The following NTRK2 variants were observed in gnomAD, a reference collection of about 807,000 sequenced individuals.
The protein encoded by NTRK2 is BDNF/NT-3 growth factors receptor.
Under a neutral mutation model 94.5 loss-of-function variants are expected in NTRK2, and 13 were observed. That is an observed-to-expected ratio of 0.14 (90% CI 0.09 to 0.22). The LOEUF is 0.22. Ranked by LOEUF, NTRK2 falls within the 10% of genes least tolerant of loss-of-function variation. The probability of loss-of-function intolerance (pLI) is 1.00; values close to 1 mark genes in which losing one functional copy is unlikely to be tolerated. For synonymous variants in NTRK2, 372 were observed against 407.4 expected, an observed-to-expected ratio of 0.91 and a Z score of 1.05; for missense variants, 639 against 1,071.2, an observed-to-expected ratio of 0.60 and a Z score of 5.63.
In NTRK2 at chr9:84,866,366, A is replaced by C. The variant is rs573768605; in HGVS notation, c.1445-877A>C. ...TAATCTCGTTCTAGTGTCATAAAATAAGCAAATATTATTTTGCATATAAGT... is the reference window on the plus strand; with the variant it reads ...TAATCTCGTTCTAGTGTCATAAAATCAGCAAATATTATTTTGCATATAAGT... On this transcript the variant is annotated intron_variant, in intron 13 of 18. Transcript: ENST00000277120. Among the ~76,000 whole-genome samples, 26 of 152,346 alleles carry C rather than the reference A, an allele frequency of 1.7e-4. 1 individual carries two copies. The East Asian group carries it at 3.7e-3, about 21-fold the overall frequency.
At chr9:84,907,218 T>A (rs1304572159) in intron 14 of NTRK2, among the ~76,000 whole-genome samples, 1 of 152,212 alleles carries the variant, frequency 6.6e-6, no homozygotes, top group East Asian at 1.9e-4. Flanking sequence ...GCAGGACTGC[T>A]TCTAATGCAG....
At chr9:84,844,823 G>A (rs2074383715) in intron 12 of NTRK2, among the ~76,000 whole-genome samples, 1 of 151,696 alleles carries the variant, frequency 6.6e-6, no homozygotes, top group Non-Finnish European at 1.5e-5. Context: ...TAAACCCAAA[G>A]AGGAAGAGTA....
chr9:84,731,391 G>A (rs1393172186), intron 9 of NTRK2, among the ~76,000 whole-genome samples: 3 of 152,106 alleles, frequency 2.0e-5, no homozygotes, highest in Admixed American at 6.5e-5. Flanking sequence ...AGCCATGATC[G>A]TGCTACTGCA....
intron 16 of NTRK2, among the ~76,000 whole-genome samples, chr9:84,950,094 G>T (rs1203078767): frequency 6.6e-6 from 1 of 152,214 alleles, no homozygotes; most frequent in African/African-American, 2.4e-5. Context: ...TCTTGAGCTG[G>T]CAGAGTAGGC....
intron 12 of NTRK2, among the ~76,000 whole-genome samples, chr9:84,822,120 T>C (rs1324900963): frequency 1.3e-5 from 2 of 152,154 alleles, no homozygotes; most frequent in African/African-American, 4.8e-5. Flanking sequence ...AGATAGGTAA[T>C]GCATAAAGTA....
chr9:84,990,406 T>A (rs1290008573), intron 17 of NTRK2, among the ~76,000 whole-genome samples: 2 of 152,200 alleles, frequency 1.3e-5, no homozygotes, highest in Admixed American at 6.5e-5. Flanking sequence ...CACTGATTGC[T>A]CCATCTGAAA....
intron 9 of NTRK2, among the ~76,000 whole-genome samples, chr9:84,734,770 G>A (rs1056483096): frequency 1.3e-5 from 2 of 152,166 alleles, no homozygotes; most frequent in Non-Finnish European, 2.9e-5. Context: ...CAGCCATATG[G>A]AACTATGAGT....
intron 14 of NTRK2, among the ~76,000 whole-genome samples, chr9:84,888,649 A>AAAAT (rs2076494237): frequency 5.7e-5 from 8 of 141,090 alleles, no homozygotes; most frequent in Non-Finnish European, 9.2e-5. Context: ...AAAAAAAAAA[A>AAAAT]GTGGCAGAGA....
At chr9:84,969,364 G>A (rs1245954063) in intron 17 of NTRK2, among the ~76,000 whole-genome samples, 1 of 152,214 alleles carries the variant, frequency 6.6e-6, no homozygotes. Context: ...AAGTTTTGTG[G>A]CGTAAGCCAC....
intron 12 of NTRK2, among the ~76,000 whole-genome samples, chr9:84,840,559 C>T (rs1250829359): frequency 3.3e-5 from 5 of 152,030 alleles, no homozygotes; most frequent in South Asian, 2.1e-4. Flanking sequence ...AGCCATTGTC[C>T]ACTCTCTTTC....
At chr9:85,000,830 A>G (rs1178111659) in intron 17 of NTRK2, among the ~76,000 whole-genome samples, 2 of 152,206 alleles carry the variant, frequency 1.3e-5, no homozygotes, top group Non-Finnish European at 2.9e-5. Context: ...TTTGTAAGAC[A>G]CTGCCAAATT....
At chr9:85,012,076 C>T (rs11140825) in intron 17 of NTRK2, among the ~76,000 whole-genome samples, 2,692 of 151,804 alleles carry the variant, frequency 0.018, 41 homozygotes, top group Middle Eastern at 0.048. Context: ...GCAACCTCCG[C>T]CTCCCAGGTT....
At chr9:84,776,708 C>G (rs1000978048) in intron 12 of NTRK2, among the ~76,000 whole-genome samples, 7 of 152,220 alleles carry the variant, frequency 4.6e-5, no homozygotes, top group South Asian at 2.1e-4. Flanking sequence ...TATCAATTCT[C>G]TCTTCCAAAA....
chr9:84,765,834 G>GA (rs2065976042), intron 12 of NTRK2, among the ~76,000 whole-genome samples: 3 of 152,014 alleles, frequency 2.0e-5, no homozygotes, highest in South Asian at 4.2e-4. Flanking sequence ...GTGTTCATTA[G>GA]AAAAAATATA....
At chr9:84,946,248 G>C (rs962868899) in intron 15 of NTRK2, among the ~76,000 whole-genome samples, 9 of 152,148 alleles carry the variant, frequency 5.9e-5, no homozygotes, top group Non-Finnish European at 2.9e-5. Context: ...CACAACTCAC[G>C]TGCCACTTCT....
intron 14 of NTRK2, chr9:84,871,762 A>G: frequency 1.9e-6 from 3 of 1,608,600 alleles, no homozygotes; most frequent in South Asian, 1.1e-5. Context: ...GCACTTTCCA[A>G]TAGCAAGTCT....
chr9:84,694,763 T>G (rs937268171), intron 2 of NTRK2, among the ~76,000 whole-genome samples: 1 of 152,168 alleles, frequency 6.6e-6, no homozygotes, highest in African/African-American at 2.4e-5. Flanking sequence ...TCTATCTACT[T>G]TTATCAAATC....
At chr9:84,706,416 A>G (rs2061064222) in intron 4 of NTRK2, among the ~76,000 whole-genome samples, 1 of 152,038 alleles carries the variant, frequency 6.6e-6, no homozygotes. Flanking sequence ...GATCAAACAC[A>G]CTAGGATACT....
At chr9:84,969,779 A>T (rs1469289851) in intron 17 of NTRK2, among the ~76,000 whole-genome samples, 1 of 152,210 alleles carries the variant, frequency 6.6e-6, no homozygotes, top group Middle Eastern at 3.2e-3. Context: ...ATGAGATGCA[A>T]TTCAAGTTGA....
Sources: allele counts gnomAD v4.1 joint callset (sites outside exome capture counted in the v4.1 genomes callset), GRCh38; gene constraint gnomAD v4.1.1; transcripts MANE v1.5; gene names NCBI Gene and HGNC (gene_info 2026-07-23, HGNC 2026-07-21).